ASTN2: variants seen among roughly 807,000 people sequenced by gnomAD.
ASTN2 encodes astrotactin 2.
Under a neutral mutation model 139.8 loss-of-function variants are expected in ASTN2, and 54 were observed. The ratio of observed to expected loss-of-function variants is 0.39; its 90% CI spans 0.31 to 0.48. The LOEUF is 0.48. Among genes scored for constraint, ASTN2 ranks in the 20% least tolerant of loss-of-function variants. The pLI is 0.95. For missense variants in ASTN2, 1,565 were observed against 1,725.1 expected (o/e 0.91, Z 1.64); for synonymous variants, 756 against 719.5 (o/e 1.05, Z -0.81).
chr9:117,032,737 T>C (rs180880614), intron 6 of ASTN2, among the ~76,000 whole-genome samples: 1 of 152,236 alleles, frequency 6.6e-6, no homozygotes, highest in Admixed American at 6.5e-5. Flanking sequence ...AGACAAGTGT[T>C]ATTATTCACA....
intron 13 of ASTN2, among the ~76,000 whole-genome samples, chr9:116,788,322 T>A (rs1286502115): frequency 6.6e-6 from 1 of 152,194 alleles, no homozygotes; most frequent in Non-Finnish European, 1.5e-5. Context: ...CTTTGAAAAG[T>A]TTTTTAATAT....
At chr9:116,821,272 T>A (rs7036221) in intron 11 of ASTN2, among the ~76,000 whole-genome samples, 120,667 of 152,072 alleles carry the variant, frequency 0.79, 48,080 homozygotes, top group East Asian at 0.91. Flanking sequence ...GAGAAGTTAC[T>A]TGCCGTCTCT....
intron 5 of ASTN2, among the ~76,000 whole-genome samples, chr9:117,044,405 C>T (rs1838673369): frequency 6.6e-6 from 1 of 152,164 alleles, no homozygotes; most frequent in Non-Finnish European, 1.5e-5. Context: ...TTCACTAAGC[C>T]AGATGCCCAT....
intron 19 of ASTN2, chr9:116,551,975 T>C (rs939415792): frequency 2.6e-5 from 4 of 152,190 alleles, no homozygotes; most frequent in African/African-American, 9.7e-5. Flanking sequence ...TCCAAAAGAT[T>C]CTGAAGTAGC....
In ASTN2 at chr9:116,883,368, G is replaced by C. The variant is rs145961086; in HGVS notation, c.1890-19635C>G. ...GGAAGAGGTAGCATTTAACTGGGTT[G>C]GATGTGTGGAGACAGCAGTGAGACT... On this transcript the variant is annotated intron_variant, in intron 10 of 22. Coordinates refer to ENST00000313400, the MANE Select transcript of ASTN2 (RefSeq NM_001365068.1). Among the ~76,000 whole-genome samples, 425 of 152,296 alleles carry C rather than the reference G, an allele frequency of 2.8e-3. 2 individuals are homozygous for C. The highest frequency in any genetic ancestry group is 5.0e-3 in the Non-Finnish European group (341 of 68,014).
chr9:117,384,771 A>G (rs572762980), intron 1 of ASTN2, among the ~76,000 whole-genome samples: 1 of 152,292 alleles, frequency 6.6e-6, no homozygotes, highest in Non-Finnish European at 1.5e-5. Flanking sequence ...TTGAGTATAC[A>G]TCATTCTTCC....
At chr9:117,386,119 T>G (rs1467703495) in intron 1 of ASTN2, among the ~76,000 whole-genome samples, 3 of 152,068 alleles carry the variant, frequency 2.0e-5, no homozygotes, top group Non-Finnish European at 4.4e-5. Flanking sequence ...CTGTCACTCT[T>G]TGACAAAGAT....
chr9:116,469,336 T>C (rs1207939455), intron 20 of ASTN2, among the ~76,000 whole-genome samples: 1 of 152,118 alleles, frequency 6.6e-6, no homozygotes. Context: ...ATGATCTATA[T>C]GACGTCATAG....
chr9:116,924,915 C>T (rs1834713467), intron 10 of ASTN2, among the ~76,000 whole-genome samples: 1 of 152,106 alleles, frequency 6.6e-6, no homozygotes, highest in African/African-American at 2.4e-5. Flanking sequence ...CTCATTTTGC[C>T]CAGCCCCGAC....
chr9:117,294,304 C>G (rs1007023104), intron 1 of ASTN2, among the ~76,000 whole-genome samples: 1 of 152,186 alleles, frequency 6.6e-6, no homozygotes, highest in Non-Finnish European at 1.5e-5. Flanking sequence ...AATCAGCAGA[C>G]AGTAAACGTT....
intron 4 of ASTN2, among the ~76,000 whole-genome samples, chr9:117,116,808 G>A: frequency 8.6e-6 from 1 of 116,140 alleles, no homozygotes; most frequent in East Asian, 2.8e-4. Flanking sequence ...GTGTTGATGG[G>A]GTTTTGAGGC....
chr9:116,609,447 G>A (rs1239934439), intron 19 of ASTN2, among the ~76,000 whole-genome samples: 1 of 141,884 alleles, frequency 7.0e-6, no homozygotes, highest in Non-Finnish European at 1.5e-5. Flanking sequence ...ATAATTTGAA[G>A]CAATGCAAAC....
chr9:116,837,238 T>G (rs1239571069), intron 11 of ASTN2, among the ~76,000 whole-genome samples: 1 of 152,130 alleles, frequency 6.6e-6, no homozygotes. Context: ...GACTCTAGCA[T>G]GTGGAGGCGT....
At chr9:116,672,928 T>C (rs1030779440) in intron 16 of ASTN2, among the ~76,000 whole-genome samples, 1 of 152,216 alleles carries the variant, frequency 6.6e-6, no homozygotes, top group African/African-American at 2.4e-5. Flanking sequence ...TGAACATTAC[T>C]CCATATTAGG....
At chr9:116,552,347 G>A (rs887030622) in intron 19 of ASTN2, 2 of 152,158 alleles carry the variant, frequency 1.3e-5, no homozygotes, top group Non-Finnish European at 2.9e-5. Flanking sequence ...AGGGGGATAA[G>A]TGTTTTTCAT....
intron 22 of ASTN2, among the ~76,000 whole-genome samples, chr9:116,433,062 A>G (rs2118835458): frequency 6.6e-6 from 1 of 152,358 alleles, no homozygotes; most frequent in East Asian, 1.9e-4. Flanking sequence ...AGCAGAGGTC[A>G]ATAAAGGGAA....
chr9:116,747,512 T>C (rs1301211836), intron 13 of ASTN2, among the ~76,000 whole-genome samples: 1 of 152,166 alleles, frequency 6.6e-6, no homozygotes, highest in African/African-American at 2.4e-5. Flanking sequence ...TAGGTATTAT[T>C]ATCTCCCTGC....
chr9:116,737,450 C>CGT (rs112476262), intron 13 of ASTN2, among the ~76,000 whole-genome samples: 14 of 134,784 alleles, frequency 1.0e-4, no homozygotes, highest in South Asian at 2.5e-4. Context: ...TCTTAGCGCT[C>CGT]GTGTGTGTGT....
Position 116,888,712 on chromosome 9 carries a change from T to A in ASTN2, c.1890-24979A>T, listed in dbSNP as rs1053807922. Among the ~76,000 whole-genome samples the A allele has an allele frequency of 1.4e-4, 21 of 150,184 alleles. 1 individual carries two copies. The highest frequency in any genetic ancestry group is 1.2e-3 in the Admixed American group (18 of 15,086). Reference sequence around the variant, plus strand: ...TAATTTTTGTAATTAAAAAAAAAAATAAGTTCTGGAATACATGTGCAGGAC... The same window carrying A: ...TAATTTTTGTAATTAAAAAAAAAAAAAAGTTCTGGAATACATGTGCAGGAC... On this transcript the variant is annotated intron_variant, in intron 10 of 22. Coordinates refer to ENST00000313400, the MANE Select transcript of ASTN2 (RefSeq NM_001365068.1).
Sources: gnomAD v4.1 joint callset for allele counts (sites outside exome capture counted in the v4.1 genomes callset) on GRCh38, gnomAD v4.1.1 for gene constraint, MANE v1.5 for transcripts, NCBI Gene and HGNC (gene_info 2026-07-23, HGNC 2026-07-21) for gene names.